Variants in PIWIL3 observed in about 807,000 individuals in gnomAD.
The protein encoded by PIWIL3 is piwi-like protein 3.
Under a neutral mutation model 109.7 loss-of-function variants are expected in PIWIL3, and 101 were observed. The ratio of observed to expected loss-of-function variants is 0.92; its 90% CI spans 0.78 to 1.09. PIWIL3 has a LOEUF of 1.09. PIWIL3 is among the 50% of genes least tolerant of loss of function. The pLI is 0.00. For synonymous variants in PIWIL3, 373 were observed against 376.4 expected, an observed-to-expected ratio of 0.99 and a Z score of 0.10; for missense variants, 1,031 against 1,072.6, an observed-to-expected ratio of 0.96 and a Z score of 0.54.
At chr22:24,749,627 C>T (rs1924584325) in intron 10 of PIWIL3, 66 bp downstream of exon 10, 1 of 1,612,114 alleles carries the variant, frequency 6.2e-7, no homozygotes, top group African/African-American at 1.3e-5. Flanking sequence ...CTTCGAATTC[C>T]CTGAAAAGCC....
intron 20 of PIWIL3, 32 bp downstream of exon 20, chr22:24,719,716 A>C: frequency 6.3e-7 from 1 of 1,587,842 alleles, no homozygotes; most frequent in Non-Finnish European, 8.6e-7. Context: ...CATTTAAAAA[A>C]TCTGAAGAAA....
intron 12 of PIWIL3, among the ~76,000 whole-genome samples, chr22:24,736,928 G>A (rs1052432454): frequency 9.2e-5 from 14 of 152,182 alleles, no homozygotes; most frequent in South Asian, 4.1e-4. Context: ...GTCAGAGCTC[G>A]AGTTCTGGAA....
intron 16 of PIWIL3, among the ~76,000 whole-genome samples, chr22:24,727,000 A>T (rs1177582102): frequency 6.6e-6 from 1 of 152,194 alleles, no homozygotes; most frequent in Non-Finnish European, 1.5e-5. Flanking sequence ...CTGGGAGAAA[A>T]GGAGAGCATA....
At chr22:24,759,478 C>T (rs549165268) in intron 3 of PIWIL3, among the ~76,000 whole-genome samples, 1 of 152,088 alleles carries the variant, frequency 6.6e-6, no homozygotes, top group Admixed American at 6.6e-5. Flanking sequence ...GCTGTATAAA[C>T]GAGGATAACC....
chr22:24,738,779 G>A (rs768355285), intron 12 of PIWIL3, among the ~76,000 whole-genome samples: 1 of 152,156 alleles, frequency 6.6e-6, no homozygotes, highest in African/African-American at 2.4e-5. Flanking sequence ...AGATGGCGAA[G>A]AGAACAATGA....
intron 3 of PIWIL3, 119 bp downstream of exon 3, chr22:24,759,750 C>A: frequency 1.4e-6 from 2 of 1,438,182 alleles, no homozygotes; most frequent in Non-Finnish European, 1.9e-6. Flanking sequence ...GCTGCACACA[C>A]TTCCCATCCC....
At chr22:24,732,562 G>A (rs989050873) in intron 14 of PIWIL3, among the ~76,000 whole-genome samples, 21 of 152,228 alleles carry the variant, frequency 1.4e-4, no homozygotes, top group Non-Finnish European at 2.8e-4. Context: ...GGTGGCTCAC[G>A]CCTGTAATCC....
intron 16 of PIWIL3, among the ~76,000 whole-genome samples, chr22:24,727,024 C>T (rs1923039845): frequency 6.6e-6 from 1 of 152,248 alleles, no homozygotes; most frequent in Non-Finnish European, 1.5e-5. Context: ...TATAGACACA[C>T]ATCTCCTTTT....
chr22:24,724,692 C>T (rs1327468252), intron 18 of PIWIL3, among the ~76,000 whole-genome samples, 195 bp downstream of exon 18: 1 of 152,104 alleles, frequency 6.6e-6, no homozygotes, highest in African/African-American at 2.4e-5. Context: ...CCTCCTCGGC[C>T]TCCCAAAGTG....
intron 1 of PIWIL3, among the ~76,000 whole-genome samples, chr22:24,770,139 G>C (rs773773002): frequency 6.6e-6 from 1 of 152,198 alleles, no homozygotes; most frequent in African/African-American, 2.4e-5. Flanking sequence ...GCATTTCATC[G>C]TAACAGCTTT....
At chr22:24,745,717 G>GAAAAAAAAA (rs71189273) in intron 12 of PIWIL3, among the ~76,000 whole-genome samples, 24 of 80,214 alleles carry the variant, frequency 3.0e-4, no homozygotes, top group Middle Eastern at 9.3e-3. Flanking sequence ...GTCAGACTAA[G>GAAAAAAAAA]AAAAAAAAAA....
intron 16 of PIWIL3, among the ~76,000 whole-genome samples, chr22:24,726,598 T>A (rs1923015413): frequency 6.6e-6 from 1 of 152,240 alleles, no homozygotes; most frequent in African/African-American, 2.4e-5. Context: ...TTGGCTATTT[T>A]CATAATTTTT....
At chr22:24,764,686 T>C (rs1925685781) in intron 1 of PIWIL3, among the ~76,000 whole-genome samples, 1 of 130,308 alleles carries the variant, frequency 7.7e-6, no homozygotes, top group African/African-American at 3.0e-5. Context: ...AGGATCTCTC[T>C]CTTTTGCCCA....
intron 13 of PIWIL3, among the ~76,000 whole-genome samples, 188 bp downstream of exon 13, chr22:24,735,517 TACA>T (rs1923605339): frequency 6.6e-6 from 1 of 152,258 alleles, no homozygotes; most frequent in South Asian, 2.1e-4. Flanking sequence ...TCATACCTTC[TACA>T]ACATGTATCT....
chr22:24,749,157 T>C, intron 11 of PIWIL3, 136 bp from the exon 12 acceptor site: 3 of 854,644 alleles, frequency 3.5e-6, no homozygotes, highest in East Asian at 2.6e-5. Context: ...GTACCTTCCC[T>C]GAAACTCAGA....
At chr22:24,732,482 T>C (rs1200781375) in intron 14 of PIWIL3, among the ~76,000 whole-genome samples, 2 of 152,166 alleles carry the variant, frequency 1.3e-5, no homozygotes. Flanking sequence ...GTAGGACAAG[T>C]TCTTCTTCAA....
intron 2 of PIWIL3, among the ~76,000 whole-genome samples, chr22:24,761,559 C>G (rs537262421): frequency 5.6e-4 from 86 of 152,294 alleles, no homozygotes; most frequent in African/African-American, 2.0e-3. Context: ...CACCTGCTGA[C>G]TTGGGAGACA....
chr22:24,742,501 T>C (rs1483220106), intron 12 of PIWIL3, among the ~76,000 whole-genome samples: 1 of 152,184 alleles, frequency 6.6e-6, no homozygotes, highest in Admixed American at 6.5e-5. Context: ...TTTCAAACTA[T>C]GCTACAAGGC....
intron 1 of PIWIL3, 37 bp from the exon 2 acceptor site, chr22:24,762,558 T>G (rs1925502766): frequency 6.6e-7 from 1 of 1,508,548 alleles, no homozygotes; most frequent in Admixed American, 2.0e-5. Context: ...CTCTGTGGAG[T>G]TGCCTGGTGT....
Sources: allele counts gnomAD v4.1 joint callset (sites outside exome capture counted in the v4.1 genomes callset), GRCh38; gene constraint gnomAD v4.1.1; transcripts MANE v1.5; gene names NCBI Gene and HGNC (gene_info 2026-07-23, HGNC 2026-07-21).